Variants in PARD3 observed in about 807,000 individuals in gnomAD.
PARD3 encodes the protein par-3 family cell polarity regulator, also known as partitioning defective 3 homolog.
In PARD3, 75 loss-of-function variants were observed where a neutral mutation model predicts 155.4. That is an observed-to-expected ratio of 0.48 (90% confidence interval 0.40 to 0.58). The LOEUF is 0.58. PARD3 is among the 20% of genes least tolerant of loss of function. The pLI, the probability that PARD3 is intolerant of heterozygous loss-of-function variation, is 0.00. For missense variants in PARD3, 1,642 were observed against 1,721.7 expected, an observed-to-expected ratio of 0.95 and a Z score of 0.82; for synonymous variants, 576 against 610.5, an observed-to-expected ratio of 0.94 and a Z score of 0.83.
intron 5 of PARD3, among the ~76,000 whole-genome samples, chr10:34,428,229 T>A (rs550311361): frequency 6.6e-6 from 1 of 152,332 alleles, no homozygotes; most frequent in Non-Finnish European, 1.5e-5. Context: ...ATAATAAAAA[T>A]TTTAAAGCAG....
chr10:34,416,067 T>C (rs978449737), intron 5 of PARD3, among the ~76,000 whole-genome samples: 20 of 152,178 alleles, frequency 1.3e-4, no homozygotes, highest in African/African-American at 4.6e-4. Flanking sequence ...ATCCATCTCC[T>C]GTCTGTGCTA....
rs79899293 is a variant in PARD3, at chr10:34,466,915, C to T, written c.582+3170G>A. Among the ~76,000 whole-genome samples the T allele has an allele frequency of 5.3e-4, 80 of 152,064 alleles. No homozygotes were observed. The East Asian group carries it at 0.014, about 28-fold the overall frequency. ...ATTAGTATTTGAAGAGTAAAGCCAACGAAAATTCAAAATACTAATTCATTA... is the reference window on the plus strand; with the variant it reads ...ATTAGTATTTGAAGAGTAAAGCCAATGAAAATTCAAAATACTAATTCATTA... On this transcript the variant is annotated intron_variant, in intron 4 of 24. Coordinates refer to ENST00000374788, the MANE Select transcript of PARD3 (RefSeq NM_001184785.2).
At chr10:34,694,155 A>G (rs1246041736) in intron 2 of PARD3, among the ~76,000 whole-genome samples, 1 of 128,996 alleles carries the variant, frequency 7.8e-6, no homozygotes, top group Non-Finnish European at 1.8e-5. Context: ...GAGGGAGAAG[A>G]AAAAAAAAAA....
chr10:34,264,409 C>T (rs141908552), intron 22 of PARD3, among the ~76,000 whole-genome samples: 126 of 152,242 alleles, frequency 8.3e-4, no homozygotes, highest in African/African-American at 2.6e-3. Flanking sequence ...GTATTCAGAA[C>T]GGTTTTTGGC....
chr10:34,497,374 A>G (rs918981239), intron 3 of PARD3, among the ~76,000 whole-genome samples: 1 of 152,234 alleles, frequency 6.6e-6, no homozygotes, highest in Admixed American at 6.5e-5. Flanking sequence ...AGTGTACAAG[A>G]GGATGTGTGC....
At chr10:34,390,021 A>G (rs1041610329) in intron 7 of PARD3, among the ~76,000 whole-genome samples, 4 of 152,332 alleles carry the variant, frequency 2.6e-5, no homozygotes, top group African/African-American at 4.8e-5. Context: ...GTTCTTTATT[A>G]TAACAAATGA....
rs558107756 is a variant in PARD3, at chr10:34,581,342, C to T, written c.223-64183G>A. On this transcript the variant is annotated intron_variant, in intron 2 of 24. Transcript: ENST00000374788. ...CTCCACCCTCCAGGTTCAAATGATT[C>T]TCCTTCCTCAGCCTCCTGAGTAGCT... Among the ~76,000 whole-genome samples, 764 of 140,820 alleles carry T rather than the reference C, an allele frequency of 5.4e-3. 5 individuals are homozygous for T. The highest frequency in any genetic ancestry group is 9.0e-3 in the Non-Finnish European group (596 of 66,508). The allele number at this position is 140,820 out of a possible 152,430, so 92.4% of individuals were successfully genotyped here. A position where few individuals can be genotyped will look rare whatever the true frequency, so the allele number is the denominator to read the frequency against.
chr10:34,578,415 G>C (rs1288308234), intron 2 of PARD3, among the ~76,000 whole-genome samples: 1 of 152,180 alleles, frequency 6.6e-6, no homozygotes, highest in Non-Finnish European at 1.5e-5. Context: ...AAATGGGTTA[G>C]AACATGCCAT....
intron 1 of PARD3, among the ~76,000 whole-genome samples, chr10:34,799,860 G>A (rs1313338776): frequency 5.3e-5 from 8 of 152,036 alleles, no homozygotes; most frequent in African/African-American, 1.7e-4. Context: ...AAGTGTGGTG[G>A]CGCATGCCTG....
At chr10:34,134,581 G>C (rs1947793854) in intron 22 of PARD3, among the ~76,000 whole-genome samples, 1 of 152,214 alleles carries the variant, frequency 6.6e-6, no homozygotes, top group African/African-American at 2.4e-5. Flanking sequence ...AGTTCTGGAA[G>C]TCACTCCTGC....
rs564110651 is a variant in PARD3 at position 34,804,238 on chromosome 10, T to C, written c.120+10638A>G. On this transcript the variant is annotated intron_variant, in intron 1 of 24. Transcript: ENST00000374788. ...TTTTAATAGAGATGGGGTTTTGTCA[T>C]GTTGGCCATGCTGGTCTTGAACTCC... Among the ~76,000 whole-genome samples, 6 of 152,316 alleles carry C rather than the reference T, an allele frequency of 3.9e-5. No homozygotes were observed. In the South Asian group the frequency reaches 1.0e-3, roughly 26 times the overall value.
At chr10:34,688,424 C>G (rs148176768) in intron 2 of PARD3, among the ~76,000 whole-genome samples, 2 of 152,180 alleles carry the variant, frequency 1.3e-5, no homozygotes, top group South Asian at 2.1e-4. Flanking sequence ...CGTACACAAA[C>G]GCATGACAGC....
At chr10:34,669,902 G>A (rs549693703) in intron 2 of PARD3, among the ~76,000 whole-genome samples, 2 of 152,266 alleles carry the variant, frequency 1.3e-5, no homozygotes, top group African/African-American at 4.8e-5. Context: ...ATTCTACTAG[G>A]AAGAATAAAA....
intron 20 of PARD3, among the ~76,000 whole-genome samples, chr10:34,296,496 T>C (rs1185937743): frequency 6.6e-6 from 1 of 152,204 alleles, no homozygotes; most frequent in East Asian, 1.9e-4. Flanking sequence ...CCCAAAGTGC[T>C]TGGATTAAAA....
At chr10:34,112,203 G>A (rs1252723015) in intron 24 of PARD3, among the ~76,000 whole-genome samples, 1 of 152,216 alleles carries the variant, frequency 6.6e-6, no homozygotes, top group East Asian at 1.9e-4. Flanking sequence ...AGATTGGACG[G>A]AGAGTCCGGA....
At chr10:34,372,968 T>C (rs943352575) in intron 11 of PARD3, among the ~76,000 whole-genome samples, 2 of 152,096 alleles carry the variant, frequency 1.3e-5, no homozygotes, top group Non-Finnish European at 2.9e-5. Context: ...TACTTTAAAA[T>C]GTTGCACAGG....
chr10:34,298,100 T>C (rs1956990721), intron 20 of PARD3, among the ~76,000 whole-genome samples: 2 of 152,230 alleles, frequency 1.3e-5, no homozygotes, highest in Non-Finnish European at 2.9e-5. Context: ...CACAGATTTA[T>C]TGTGAAGATG....
At chr10:34,362,299 A>G (rs1053212640) in intron 12 of PARD3, among the ~76,000 whole-genome samples, 16 of 152,170 alleles carry the variant, frequency 1.1e-4, no homozygotes, top group Non-Finnish European at 1.5e-5. Flanking sequence ...ACTCTGTCCC[A>G]TAACAAAAAA....
intron 3 of PARD3, among the ~76,000 whole-genome samples, chr10:34,494,272 A>C (rs1376102866): frequency 6.6e-6 from 1 of 152,246 alleles, no homozygotes; most frequent in African/African-American, 2.4e-5. Context: ...CAAAGGGAAA[A>C]GAGAGTGCCT....
Sources: gnomAD v4.1 joint callset for allele counts (sites outside exome capture counted in the v4.1 genomes callset) on GRCh38, gnomAD v4.1.1 for gene constraint, MANE v1.5 for transcripts, NCBI Gene and HGNC (gene_info 2026-07-23, HGNC 2026-07-21) for gene names.